Variants in WWOX observed in about 807,000 individuals in gnomAD.
The protein encoded by WWOX is WW domain containing oxidoreductase, also known as WW domain-containing oxidoreductase.
In WWOX, 69 loss-of-function variants were observed where a neutral mutation model predicts 46.2. The observed-to-expected ratio is 1.49, with a 90% CI of 1.23 to 1.82. The LOEUF (loss-of-function observed/expected upper bound fraction) is 1.82, where lower values mean the gene tolerates loss of function less well. WWOX is among the 40% of genes most tolerant of loss of function. The pLI is 0.00. For missense variants in WWOX, 919 were observed against 542.6 expected, an observed-to-expected ratio of 1.69 and a Z score of -6.89; for synonymous variants, 359 against 202.6, an observed-to-expected ratio of 1.77 and a Z score of -6.56.
chr16:78,836,233 G>T (rs1012998295), intron 8 of WWOX, among the ~76,000 whole-genome samples: 3 of 151,950 alleles, frequency 2.0e-5, no homozygotes, highest in African/African-American at 7.3e-5. Context: ...ATAGCACACT[G>T]AGGTAGGATC....
rs1163754816 is a variant in WWOX at position 78,343,060 on chromosome 16, C to T, written c.517-43800C>T. Among the ~76,000 whole-genome samples, 26 of 121,240 alleles carry T rather than the reference C, an allele frequency of 2.1e-4. 7 individuals are homozygous for T. Among genetic ancestry groups the T allele is most frequent in the Non-Finnish European group, 2.8e-4 (14 of 50,642 alleles). The allele number at this position is 121,240 out of a possible 152,430, so 79.5% of individuals were successfully genotyped here. ...TGAACCATGGCCATCCAGTAGGCCA[C>T]GCAACATTCCCACTGCCATGTTGGC... On this transcript the variant is annotated intron_variant, in intron 5 of 8. Coordinates refer to ENST00000566780, the MANE Select transcript of WWOX (RefSeq NM_016373.4).
chr16:78,339,219 A>G (rs1398026504), intron 5 of WWOX, among the ~76,000 whole-genome samples: 1 of 119,720 alleles, frequency 8.4e-6, no homozygotes, highest in Non-Finnish European at 2.0e-5. Flanking sequence ...GCCATGTAGC[A>G]TATCAAGATT....
rs912675686 is a variant in WWOX at position 78,691,099 on chromosome 16, G to C, written c.1056+258347G>C. On this transcript the variant is annotated intron_variant, in intron 8 of 8. Coordinates refer to ENST00000566780, the MANE Select transcript of WWOX (RefSeq NM_016373.4). ...TAATGACTTCTTTTTGAAAGTAAGA[G>C]TGCTTTGAATACCAGTCGTTATTGC... 130 of 613,450 alleles carry C rather than the reference G, an allele frequency of 2.1e-4. 1 individual carries two copies. The highest frequency in any genetic ancestry group is 4.2e-4 in the Admixed American group (15 of 35,334). The allele number at this position is 613,450 out of a possible 1,614,324, so 38.0% of individuals were successfully genotyped here.
At chr16:78,429,861 G>T (rs1325810123) in intron 7 of WWOX, among the ~76,000 whole-genome samples, 2 of 152,160 alleles carry the variant, frequency 1.3e-5, no homozygotes, top group Non-Finnish European at 2.9e-5. Context: ...GCTTGGGCCA[G>T]GCTACAGGAA....
intron 5 of WWOX, among the ~76,000 whole-genome samples, chr16:78,174,998 G>GTAATAATAATAATAATAA (rs368742234): frequency 1.4e-5 from 2 of 140,870 alleles, no homozygotes; most frequent in East Asian, 2.1e-4. Context: ...AAAAATAATA[G>GTAATAATAATAATAATAA]TAATAATAAT....
At chr16:78,811,279 C>G (rs34209265) in intron 8 of WWOX, among the ~76,000 whole-genome samples, 2,810 of 152,242 alleles carry the variant, frequency 0.018, 43 homozygotes, top group Middle Eastern at 0.037. Flanking sequence ...ATTGATGATC[C>G]TTCATTCTCT....
At chr16:78,917,342 A>G (rs890251540) in intron 8 of WWOX, among the ~76,000 whole-genome samples, 2 of 152,186 alleles carry the variant, frequency 1.3e-5, no homozygotes, top group Admixed American at 1.3e-4. Flanking sequence ...CCCACACTCA[A>G]ATAAACATCC....
rs147216800 is a variant in WWOX at position 79,185,825 on chromosome 16, G to C, written c.1057-25783G>C. 4.6e-3 allele frequency among the ~76,000 whole-genome samples: 704 copies of C among 152,278 alleles called. 5 individuals are homozygous for C. The highest frequency in any genetic ancestry group is 6.9e-3 in the African/African-American group (288 of 41,540). On this transcript the variant is annotated intron_variant, in intron 8 of 8. Transcript: ENST00000566780. Reference sequence around the variant, plus strand: ...ATGCATCGGACACTGCCTAGTGTGAGAAGGGACTCATCTGTTTTCTAGGAA... The same window carrying C: ...ATGCATCGGACACTGCCTAGTGTGACAAGGGACTCATCTGTTTTCTAGGAA...
At chr16:78,661,198 TC>T (rs1296004046) in intron 8 of WWOX, among the ~76,000 whole-genome samples, 1 of 152,168 alleles carries the variant, frequency 6.6e-6, no homozygotes, top group African/African-American at 2.4e-5. Flanking sequence ...CAATTTCCTC[TC>T]TACCATTCAC....
chr16:78,421,946 G>A (rs1358087357), intron 6 of WWOX, among the ~76,000 whole-genome samples: 3 of 151,942 alleles, frequency 2.0e-5, no homozygotes, highest in African/African-American at 7.3e-5. Flanking sequence ...AATATCCAGG[G>A]TGCAGGAATA....
chr16:79,076,053 G>A (rs886758506), intron 8 of WWOX, among the ~76,000 whole-genome samples: 1 of 152,094 alleles, frequency 6.6e-6, no homozygotes, highest in Non-Finnish European at 1.5e-5. Flanking sequence ...TCTTGAAAAT[G>A]TTTCTTAGAA....
At chr16:78,210,805 C>G in intron 5 of WWOX, among the ~76,000 whole-genome samples, 1 of 152,182 alleles carries the variant, frequency 6.6e-6, no homozygotes, top group East Asian at 1.9e-4. Context: ...TTATAATTCT[C>G]CAAAGTAGCC....
intron 8 of WWOX, among the ~76,000 whole-genome samples, chr16:78,495,327 G>T (rs9939163): frequency 0.74 from 111,838 of 150,836 alleles, 43,833 homozygotes; most frequent in Admixed American, 0.86. Context: ...TTTTAGTATA[G>T]ACGGGGTTTC....
chr16:78,326,125 G>C (rs528793789), intron 5 of WWOX, among the ~76,000 whole-genome samples: 1 of 152,266 alleles, frequency 6.6e-6, no homozygotes, highest in South Asian at 2.1e-4. Flanking sequence ...AGGGCTCTTA[G>C]AAACTTTGTA....
intron 5 of WWOX, among the ~76,000 whole-genome samples, chr16:78,352,094 C>A (rs1327084602): frequency 6.6e-6 from 1 of 152,138 alleles, no homozygotes; most frequent in African/African-American, 2.4e-5. Flanking sequence ...AGGGTCAGTG[C>A]CCCATCTCAA....
At chr16:79,101,194 A>T (rs1231274168) in intron 8 of WWOX, 3 of 152,234 alleles carry the variant, frequency 2.0e-5, no homozygotes, top group African/African-American at 7.2e-5. Context: ...CCTCATGCAA[A>T]GAGAGATCTT....
At chr16:78,488,808 C>A (rs536080241) in intron 8 of WWOX, among the ~76,000 whole-genome samples, 1 of 152,138 alleles carries the variant, frequency 6.6e-6, no homozygotes, top group African/African-American at 2.4e-5. Context: ...CTAATGATAT[C>A]ATTATGGCAG....
rs75766676 is a variant in WWOX at position 78,976,915 on chromosome 16, C to G, written c.1057-234693C>G. On this transcript the variant is annotated intron_variant, in intron 8 of 8. Coordinates refer to ENST00000566780, the MANE Select transcript of WWOX (RefSeq NM_016373.4). Reference sequence around the variant, plus strand: ...CCACCTCCCATGCCCTTTTCTTTTTCTCAGGGCCATCAGAAAGGAAGTAAC... The same window carrying G: ...CCACCTCCCATGCCCTTTTCTTTTTGTCAGGGCCATCAGAAAGGAAGTAAC... Among the ~76,000 whole-genome samples the G allele has an allele frequency of 5.2e-3, 785 of 152,280 alleles. 19 individuals are homozygous for G. In the East Asian group the frequency reaches 0.077, roughly 15 times the overall value.
chr16:78,874,203 C>G (rs963430726), intron 8 of WWOX, among the ~76,000 whole-genome samples: 9 of 148,974 alleles, frequency 6.0e-5, no homozygotes, highest in African/African-American at 2.0e-4. Flanking sequence ...TTGCAGTGAG[C>G]TGAGATGGCG....
Sources: gnomAD v4.1 joint callset for allele counts (sites outside exome capture counted in the v4.1 genomes callset) on GRCh38, gnomAD v4.1.1 for gene constraint, MANE v1.5 for transcripts, NCBI Gene and HGNC (gene_info 2026-07-23, HGNC 2026-07-21) for gene names.